PCDHA3: variants seen among roughly 807,000 people sequenced by gnomAD.
The protein encoded by PCDHA3 is protocadherin alpha 3.
In PCDHA3, 41 loss-of-function variants were observed where a neutral mutation model predicts 62.2. That is an observed-to-expected ratio of 0.66 (90% confidence interval 0.51 to 0.86). The LOEUF (loss-of-function observed/expected upper bound fraction) is 0.86, where lower values mean the gene tolerates loss of function less well. PCDHA3 is among the 40% of genes least tolerant of loss of function. The pLI, the probability that PCDHA3 is intolerant of heterozygous loss-of-function variation, is 0.00. For synonymous variants in PCDHA3, 640 were observed against 555.4 expected (o/e 1.15, Z -2.14); for missense variants, 1,304 against 1,241.2 (o/e 1.05, Z -0.76).
At chr5:140,961,888 T>C (rs1361187779) in intron 1 of PCDHA3, among the ~76,000 whole-genome samples, 8 of 124,918 alleles carry the variant, frequency 6.4e-5, no homozygotes, top group Non-Finnish European at 9.4e-5. Context: ...CTTACATCAG[T>C]TTTTTTTTTT....
chr5:140,977,974 A>G (rs2096783738), intron 1 of PCDHA3, among the ~76,000 whole-genome samples: 1 of 152,182 alleles, frequency 6.6e-6, no homozygotes, highest in African/African-American at 2.4e-5. Context: ...CCGCCCATGA[A>G]AACGCATCTA....
intron 1 of PCDHA3, among the ~76,000 whole-genome samples, chr5:140,892,823 C>T (rs1554185387): frequency 6.6e-6 from 1 of 152,120 alleles, no homozygotes; most frequent in East Asian, 1.9e-4. Context: ...TCCTACAGTG[C>T]TACAGTGCTG....
chr5:140,875,394 G>T, intron 1 of PCDHA3: 1 of 1,476,976 alleles, frequency 6.8e-7, no homozygotes, highest in South Asian at 1.4e-5. Context: ...TACAGAAAAG[G>T]GTGACTGCTC....
chr5:140,843,875 G>A (rs1044145588), intron 1 of PCDHA3: 18 of 764,320 alleles, frequency 2.4e-5, no homozygotes, highest in Middle Eastern at 3.9e-4. Context: ...TTTCTCAGTG[G>A]CATAATACAG....
intron 1 of PCDHA3, among the ~76,000 whole-genome samples, chr5:140,960,351 T>C (rs1268803425): frequency 3.3e-5 from 5 of 152,192 alleles, no homozygotes; most frequent in African/African-American, 7.2e-5. Flanking sequence ...AGATATGTAC[T>C]GAAATAATAT....
At chr5:140,813,278 A>G (rs1241889350) in intron 1 of PCDHA3, 1 of 152,206 alleles carries the variant, frequency 6.6e-6, no homozygotes, top group African/African-American at 2.4e-5. Flanking sequence ...ACATTCTGAG[A>G]ATTGTATCAT....
At chr5:140,849,956 C>A in intron 1 of PCDHA3, 1 of 1,597,918 alleles carries the variant, frequency 6.3e-7, no homozygotes, top group African/African-American at 1.3e-5. Flanking sequence ...CGCAGGAGAA[C>A]GCCCTGGTGT....
Position 140,802,964 on chromosome 5 carries a change from C to T in PCDHA3, c.1767C>T (p.His589=). Residue 589 remains histidine (H), a synonymous_variant, in exon 1 of 4, where the codon CAC becomes CAT. Coordinates refer to ENST00000522353, the MANE Select transcript of PCDHA3 (RefSeq NM_018906.3). The part of the protein sequence containing the change: ...ELVPRSVGAG[H]VVAKVRAVDA... Reference sequence around the variant, plus strand: ...TGCCGCGGTCAGTGGGTGCGGGCCACGTGGTAGCGAAGGTGCGCGCAGTGG... The same window carrying T: ...TGCCGCGGTCAGTGGGTGCGGGCCATGTGGTAGCGAAGGTGCGCGCAGTGG... The T allele has an allele frequency of 6.2e-7, 1 of 1,613,934 alleles. No homozygotes were observed. Among genetic ancestry groups the T allele is most frequent in the Non-Finnish European group, 8.5e-7 (1 of 1,179,902 alleles).
chr5:141,000,839 C>G (rs1194048512), intron 3 of PCDHA3, among the ~76,000 whole-genome samples: 1 of 151,970 alleles, frequency 6.6e-6, no homozygotes, highest in Admixed American at 6.6e-5. Flanking sequence ...TCCAGGAGAT[C>G]CAGTCTGGCA....
At chr5:140,988,874 T>G (rs1407460154) in intron 3 of PCDHA3, 2 of 152,194 alleles carry the variant, frequency 1.3e-5, no homozygotes, top group Non-Finnish European at 1.5e-5. Flanking sequence ...CACTCAGATG[T>G]ACGATCCTGG....
At chr5:140,867,347 T>C (rs1465501574) in intron 1 of PCDHA3, 1 of 152,144 alleles carries the variant, frequency 6.6e-6, no homozygotes, top group Non-Finnish European at 1.5e-5. Context: ...GAGGCTACTA[T>C]GATTGATTAT....
intron 1 of PCDHA3, chr5:140,862,939 T>G (rs2047666977): frequency 1.8e-6 from 1 of 541,782 alleles, no homozygotes; most frequent in South Asian, 1.4e-5. Flanking sequence ...GCGCTGTGAG[T>G]GAGCTGGTGC....
At chr5:140,980,607 C>T (rs1471918192) in intron 2 of PCDHA3, among the ~76,000 whole-genome samples, 5 of 151,334 alleles carry the variant, frequency 3.3e-5, no homozygotes, top group Non-Finnish European at 7.4e-5. Context: ...TCCAGCCTGG[C>T]GACAGTGCGA....
intron 1 of PCDHA3, chr5:140,863,410 G>C: frequency 5.3e-6 from 4 of 753,286 alleles, no homozygotes; most frequent in African/African-American, 1.8e-5. Context: ...GCCCACGCTG[G>C]TGTACCGCAG....
chr5:140,822,433 G>A (rs1489857640), intron 1 of PCDHA3: 3 of 1,613,932 alleles, frequency 1.9e-6, no homozygotes, highest in Admixed American at 1.7e-5. Flanking sequence ...AGGAAAACCC[G>A]AACTAACAGG....
In PCDHA3 at chr5:140,894,570, T is replaced by G. The variant is rs558111947; in HGVS notation, c.2395-84379T>G. ...TTTACTTCTGAAAAAATTATTTTCC[T>G]TTTTTTTAATATTTTACTGAGTTTT... On this transcript the variant is annotated intron_variant, in intron 1 of 3. Coordinates refer to ENST00000522353, the MANE Select transcript of PCDHA3 (RefSeq NM_018906.3). Among the ~76,000 whole-genome samples the G allele has an allele frequency of 1.5e-4, 23 of 151,856 alleles. No individual in the cohort carries two copies. The South Asian group carries it at 4.4e-3, about 29-fold the overall frequency.
At chr5:140,937,228 G>A (rs920892612) in intron 1 of PCDHA3, among the ~76,000 whole-genome samples, 1 of 151,718 alleles carries the variant, frequency 6.6e-6, no homozygotes, top group Admixed American at 6.6e-5. Context: ...TTGTAGAGAC[G>A]GGGTTTCACC....
At chr5:140,892,553 C>T (rs2063570808) in intron 1 of PCDHA3, among the ~76,000 whole-genome samples, 1 of 152,170 alleles carries the variant, frequency 6.6e-6, no homozygotes, top group South Asian at 2.1e-4. Flanking sequence ...TTTCTCTAGT[C>T]CTTGGAGACT....
chr5:140,838,214 A>C (rs1211623203), intron 1 of PCDHA3, among the ~76,000 whole-genome samples: 1 of 149,876 alleles, frequency 6.7e-6, no homozygotes, highest in Non-Finnish European at 1.5e-5. Context: ...CTCTGGTACA[A>C]GCAGTTCTCA....
Sources: allele counts gnomAD v4.1 joint callset (sites outside exome capture counted in the v4.1 genomes callset), GRCh38; gene constraint gnomAD v4.1.1; transcripts MANE v1.5; gene names NCBI Gene and HGNC (gene_info 2026-07-23, HGNC 2026-07-21).